LRRIQ1: variants seen among roughly 807,000 people sequenced by gnomAD.
The protein encoded by LRRIQ1 is leucine-rich repeat- and IQ domain-containing protein 1.
Under a neutral mutation model 211.9 loss-of-function variants are expected in LRRIQ1, and 210 were observed. That is an observed-to-expected ratio of 0.99 (90% confidence interval 0.89 to 1.11). The LOEUF is 1.11. LRRIQ1 is among the 50% of genes most tolerant of loss of function. LRRIQ1 has a pLI of 0.00. For synonymous variants in LRRIQ1, 699 were observed against 650.1 expected, an observed-to-expected ratio of 1.08 and a Z score of -1.14; for missense variants, 2,136 against 1,939.5, an observed-to-expected ratio of 1.10 and a Z score of -1.90.
chr12:85,153,567 T>C (rs780110193), intron 21 of LRRIQ1, 96 bp from the exon 22 acceptor site: 36 of 769,958 alleles, frequency 4.7e-5, no homozygotes, highest in South Asian at 2.7e-4. Flanking sequence ...TTAGATTTTA[T>C]TTCCAAGTTT....
In LRRIQ1 at chr12:85,152,297, A is replaced by G. The variant is rs1308761110; in HGVS notation, c.4347A>G (p.Glu1449=). The change falls in exon 20 of 27, where the codon GAA becomes GAG. Residue 1449 remains glutamate, a synonymous_variant. Transcript: ENST00000393217. ...FIFDEAALEE[E]WLALDSTRFP... is the part of the protein sequence containing the mutation. ...TTGTGCAGGCTGCCTTAGAAGAAGAATGGCTAGCATTAGATTCCACCCGCT... is the reference window on the plus strand; with the variant it reads ...TTGTGCAGGCTGCCTTAGAAGAAGAGTGGCTAGCATTAGATTCCACCCGCT... 1 of 1,610,494 alleles carries G rather than the reference A, an allele frequency of 6.2e-7. No homozygotes were observed. Among genetic ancestry groups the G allele is most frequent in the African/African-American group, 1.3e-5 (1 of 74,764 alleles).
At chr12:85,196,276 C>T (rs377547183) in intron 24 of LRRIQ1, among the ~76,000 whole-genome samples, 35,527 of 151,788 alleles carry the variant, frequency 0.23, 4,649 homozygotes, top group African/African-American at 0.32. Context: ...GATTCAATGC[C>T]ATCCCCATCA....
chr12:85,245,823 AATT>A (rs1442345686), downstream of LRRIQ1, among the ~76,000 whole-genome samples: 1 of 150,910 alleles, frequency 6.6e-6, no homozygotes, highest in Non-Finnish European at 1.5e-5. Flanking sequence ...ACTTAATTAT[AATT>A]ATTATTTTTG....
intron 12 of LRRIQ1, 120 bp from the exon 13 acceptor site, chr12:85,098,747 T>C (rs1269216789): frequency 1.4e-6 from 1 of 732,934 alleles, no homozygotes; most frequent in Non-Finnish European, 2.1e-6. Context: ...TTATACCTTA[T>C]GATATGCACT....
chr12:85,112,242 A>T (rs2136356175), intron 15 of LRRIQ1, among the ~76,000 whole-genome samples: 1 of 151,928 alleles, frequency 6.6e-6, no homozygotes, highest in South Asian at 2.1e-4. Context: ...ATCTTCTTAG[A>T]TTTGGATCTA....
chr12:85,054,578 TA>T (rs1188112306), intron 7 of LRRIQ1, among the ~76,000 whole-genome samples: 7 of 152,208 alleles, frequency 4.6e-5, no homozygotes, highest in African/African-American at 1.7e-4. Context: ...GTTTCTGTGT[TA>T]ATCTTCTTTA....
chr12:85,238,846 T>A (rs1441006346), intron 26 of LRRIQ1, among the ~76,000 whole-genome samples: 1 of 152,098 alleles, frequency 6.6e-6, no homozygotes, highest in East Asian at 1.9e-4. Context: ...TTTTCACAGA[T>A]GACATCTTCT....
intron 24 of LRRIQ1, among the ~76,000 whole-genome samples, chr12:85,165,321 T>C (rs1891097985): frequency 6.6e-6 from 1 of 151,808 alleles, no homozygotes; most frequent in Admixed American, 6.6e-5. Flanking sequence ...GTTCCTGGGG[T>C]CTATTGTTTC....
intron 24 of LRRIQ1, among the ~76,000 whole-genome samples, chr12:85,171,955 G>A (rs1031481227): frequency 6.6e-6 from 1 of 152,150 alleles, no homozygotes; most frequent in Non-Finnish European, 1.5e-5. Context: ...AGCCCAAGCT[G>A]ACTAATGTAA....
At chr12:85,067,004 T>C (rs1185892587) in intron 10 of LRRIQ1, 106 bp downstream of exon 10, 1 of 544,002 alleles carries the variant, frequency 1.8e-6, no homozygotes, top group Admixed American at 4.1e-5. Flanking sequence ...CTGCATATTT[T>C]ATTTATGTTA....
chr12:85,111,557 A>C (rs1375745914), intron 15 of LRRIQ1, among the ~76,000 whole-genome samples: 2 of 152,132 alleles, frequency 1.3e-5, no homozygotes, highest in East Asian at 3.8e-4. Flanking sequence ...ATGCTACCAC[A>C]TGAAAGCAAT....
At chr12:85,169,983 A>G (rs921336242) in intron 24 of LRRIQ1, among the ~76,000 whole-genome samples, 1 of 152,116 alleles carries the variant, frequency 6.6e-6, no homozygotes, top group African/African-American at 2.4e-5. Context: ...ATCATTTAGT[A>G]ATACAAGGTT....
rs550188548 is a variant in LRRIQ1, at chr12:85,086,050, A to G, written c.2888-12305A>G. 7.9e-5 allele frequency among the ~76,000 whole-genome samples: 12 copies of G among 152,288 alleles called. No individual in the cohort carries two copies. The South Asian group carries it at 2.5e-3, about 32-fold the overall frequency. On this transcript the variant is annotated intron_variant, in intron 11 of 26. Transcript: ENST00000393217. ...ACTGAACTAATTCACGTTTTCACCA[A>G]TGGTGTATAAATGTTCCCTTTTCTC...
intron 1 of LRRIQ1, among the ~76,000 whole-genome samples, chr12:85,258,536 A>G (rs551872948): frequency 6.6e-4 from 101 of 152,058 alleles, no homozygotes; most frequent in African/African-American, 2.4e-3. Context: ...CTTAAAGTTC[A>G]CTATAAATGA....
intron 24 of LRRIQ1, among the ~76,000 whole-genome samples, chr12:85,214,208 A>G (rs1893970532): frequency 6.7e-6 from 1 of 148,336 alleles, no homozygotes; most frequent in Admixed American, 6.6e-5. Context: ...AAATCATAAA[A>G]CTTTACTGAA....
At chr12:85,125,578 G>C (rs1383490660) in intron 17 of LRRIQ1, among the ~76,000 whole-genome samples, 1 of 152,082 alleles carries the variant, frequency 6.6e-6, no homozygotes, top group Non-Finnish European at 1.5e-5. Context: ...AGCAAATCTT[G>C]CTTTTCCCAG....
chr12:85,252,646 A>G (rs1035338920), intron 1 of LRRIQ1, among the ~76,000 whole-genome samples: 3 of 151,912 alleles, frequency 2.0e-5, no homozygotes, highest in Non-Finnish European at 4.4e-5. Context: ...GAATATTAAA[A>G]GAGTCAGGCC....
In LRRIQ1 at chr12:85,223,257, G is replaced by C. The variant is rs1592992397; in HGVS notation, c.4823-6260G>C. On this transcript the variant is annotated intron_variant, in intron 24 of 26. Coordinates refer to ENST00000393217, the MANE Select transcript of LRRIQ1 (RefSeq NM_001079910.2). ...GTTGTCAGAAGCTAGCACAGTGCCA[G>C]ATATAGAGTGGGAACTGACTCCTAG... 2.6e-5 allele frequency among the ~76,000 whole-genome samples: 4 copies of C among 152,228 alleles called. No individual in the cohort carries two copies. The East Asian group carries it at 7.7e-4, about 29-fold the overall frequency.
At position 85,137,967 on chromosome 12, in the gene LRRIQ1, GAAGT is replaced by G. The variant is rs1889255379; in HGVS notation, c.4329+4_4329+7del. ...AGATTTAGAGGATTTTATATTTGAT[GAAGT>G]AAGTACGAACTATAGTATATAAATA... is the stretch of plus-strand genomic sequence containing the variant. On this transcript the variant is annotated splice_donor_variant and coding_sequence_variant, in exon 19 of 27. Coordinates refer to ENST00000393217, the MANE Select transcript of LRRIQ1 (RefSeq NM_001079910.2). LOFTEE classifies it high-confidence loss of function. 7.1e-7 allele frequency: 1 copy of G among 1,408,438 alleles called. No individual in the cohort carries two copies. The highest frequency in any genetic ancestry group is 1.2e-5 in the South Asian group (1 of 82,196). 87.2% of individuals were successfully genotyped at this position (1,408,438 alleles called of 1,614,324 possible).
Sources: gnomAD v4.1 joint callset for allele counts (sites outside exome capture counted in the v4.1 genomes callset) on GRCh38, gnomAD v4.1.1 for gene constraint, MANE v1.5 for transcripts, NCBI Gene and HGNC (gene_info 2026-07-23, HGNC 2026-07-21) for gene names.